Variants in SLC47A1 observed in about 807,000 individuals in gnomAD.
SLC47A1 encodes the protein multidrug and toxin extrusion protein 1.
SLC47A1 carries 58 observed loss-of-function variants against 65.8 expected under a neutral mutation model. That is an observed-to-expected ratio of 0.88 (90% CI 0.71 to 1.10). SLC47A1 has a LOEUF of 1.10. Ranked by LOEUF, SLC47A1 falls within the 50% of genes least tolerant of loss-of-function variation. The pLI is 0.00. For missense variants in SLC47A1, 706 were observed against 719.2 expected, an observed-to-expected ratio of 0.98 and a Z score of 0.21; for synonymous variants, 285 against 295.0, an observed-to-expected ratio of 0.97 and a Z score of 0.35.
chr17:19,564,397 A>G (rs2084340143), intron 12 of SLC47A1: 1 of 152,186 alleles, frequency 6.6e-6, no homozygotes, highest in Non-Finnish European at 1.5e-5. Flanking sequence ...AAGGTGCAGA[A>G]CATCATATAG....
At chr17:19,565,466 A>G (rs1026020095) in intron 12 of SLC47A1, among the ~76,000 whole-genome samples, 1 of 152,044 alleles carries the variant, frequency 6.6e-6, no homozygotes, top group African/African-American at 2.4e-5. Flanking sequence ...GGATGTCACC[A>G]AATCCCTTGA....
At chr17:19,545,488 G>C (rs1019345893) in intron 2 of SLC47A1, among the ~76,000 whole-genome samples, 1 of 150,994 alleles carries the variant, frequency 6.6e-6, no homozygotes, top group Non-Finnish European at 1.5e-5. Flanking sequence ...CACTATGCTC[G>C]GCCAGAAATT....
intron 1 of SLC47A1, 67 bp from the exon 2 acceptor site, chr17:19,542,326 C>A: frequency 1.6e-6 from 2 of 1,277,818 alleles, no homozygotes; most frequent in Non-Finnish European, 2.1e-6. Flanking sequence ...CGGGGTCACA[C>A]TTGGGGCCCC....
chr17:19,539,195 G>T (rs1029079806), intron 1 of SLC47A1, among the ~76,000 whole-genome samples: 2 of 151,986 alleles, frequency 1.3e-5, no homozygotes, highest in East Asian at 3.9e-4. Flanking sequence ...GCAGGGATAA[G>T]CCACCGTGCC....
At chr17:19,546,970 C>G (rs1916307646) in intron 3 of SLC47A1, 1 of 157,938 alleles carries the variant, frequency 6.3e-6, no homozygotes, top group South Asian at 1.9e-4. Context: ...TAAGTATTTC[C>G]TCTGGTTAAT....
chr17:19,537,471 A>G (rs1387226745), intron 1 of SLC47A1, among the ~76,000 whole-genome samples: 1 of 152,256 alleles, frequency 6.6e-6, no homozygotes, highest in Non-Finnish European at 1.5e-5. Context: ...GGGAAGACCT[A>G]CAGGGAAGGT....
intron 7 of SLC47A1, 25 bp downstream of exon 7, chr17:19,555,334 A>G: frequency 6.2e-7 from 1 of 1,610,570 alleles, no homozygotes; most frequent in Non-Finnish European, 8.5e-7. Context: ...CTCTTGGGAC[A>G]GGGAGAAGGG....
At position 19,533,987 on chromosome 17, in the gene SLC47A1, C is replaced by A; in HGVS notation, c.48C>A (p.Ala16=). Residue 16 remains alanine, a synonymous_variant, in exon 1 of 17, where the codon GCC becomes GCA. Coordinates refer to ENST00000270570, the MANE Select transcript of SLC47A1 (RefSeq NM_018242.3). The stretch of plus-strand genomic sequence containing the variant: ...CGCCAGTGCGCGGAGGCCCGGAGGC[C>A]ACCCTTGAGGTCCGTGGGTCGCGCT... The part of the protein sequence containing the change: ...EPAPVRGGPE[A]TLEVRGSRCL... 1 of 1,541,378 alleles carries A rather than the reference C, an allele frequency of 6.5e-7. No individual in the cohort carries two copies.
chr17:19,560,339 C>T, intron 11 of SLC47A1, 43 bp downstream of exon 11: 1 of 1,605,788 alleles, frequency 6.2e-7, no homozygotes, highest in Non-Finnish European at 8.5e-7. Flanking sequence ...GCAGTCTCTG[C>T]ATGCAAAACC....
In SLC47A1 at chr17:19,555,626, C is replaced by G. The variant is rs894106317; in HGVS notation, c.675C>G (p.Tyr225Ter). ...GSALANLISQ[Y>*]TLALLLFLYI... Reference sequence around the variant, plus strand: ...CACTGGCAAACTTGATTTCCCAGTACACCCTGGCTCTACTCCTCTTTCTCT... The same window carrying G: ...CACTGGCAAACTTGATTTCCCAGTAGACCCTGGCTCTACTCCTCTTTCTCT... Residue 225 changes from tyrosine to a stop codon, truncating the protein, a stop_gained, in exon 8 of 17, where the codon TAC becomes TAG. Coordinates refer to ENST00000270570, the MANE Select transcript of SLC47A1 (RefSeq NM_018242.3). LOFTEE classifies it high-confidence loss of function. 1 of 1,614,214 alleles carries G rather than the reference C, an allele frequency of 6.2e-7. No homozygotes were observed.
intron 2 of SLC47A1, among the ~76,000 whole-genome samples, chr17:19,543,580 T>C (rs1176679197): frequency 6.6e-6 from 1 of 152,112 alleles, no homozygotes; most frequent in Non-Finnish European, 1.5e-5. Context: ...TAGAAATGGG[T>C]CTGGAAGGTA....
At chr17:19,539,338 A>G (rs1326740105) in intron 1 of SLC47A1, among the ~76,000 whole-genome samples, 1 of 152,126 alleles carries the variant, frequency 6.6e-6, no homozygotes. Context: ...TCATTCCCCG[A>G]GCACAGAAAT....
intron 14 of SLC47A1, among the ~76,000 whole-genome samples, chr17:19,569,519 C>A (rs762452223): frequency 6.6e-6 from 1 of 152,062 alleles, no homozygotes; most frequent in Non-Finnish European, 1.5e-5. Flanking sequence ...AATTGTGGTA[C>A]GAATTGGTTT....
At position 19,546,392 on chromosome 17, in the gene SLC47A1, C is replaced by T. The variant is rs555190599; in HGVS notation, c.238-43C>T. 9 of 1,595,340 alleles carry T rather than the reference C, an allele frequency of 5.6e-6. No homozygotes were observed. In the African/African-American group the frequency reaches 9.4e-5, roughly 17 times the overall value. On this transcript the variant is annotated intron_variant, in intron 2 of 16. Transcript: ENST00000270570. ...CACACAGGGATTTTGTCTTCCTTTC[C>T]TCCTTTAACTCTATAGGGCCTTATC...
In SLC47A1 at chr17:19,573,898, G is replaced by T. The variant is rs181301451; in HGVS notation, c.1486+1037G>T. Among the ~76,000 whole-genome samples the T allele has an allele frequency of 2.9e-3, 438 of 148,610 alleles. 1 individual carries two copies. The highest frequency in any genetic ancestry group is 5.0e-3 in the Non-Finnish European group (339 of 67,242). ...GTGTGCTGCAGCCAGTGTGAGGCTT[G>T]GTTTACTTCTTCTGGTTCATGCTTT... On this transcript the variant is annotated intron_variant, in intron 16 of 16. Coordinates refer to ENST00000270570, the MANE Select transcript of SLC47A1 (RefSeq NM_018242.3).
chr17:19,565,577 CTTTTTTT>C (rs11362429), intron 12 of SLC47A1, among the ~76,000 whole-genome samples: 1 of 95,548 alleles, frequency 1.0e-5, no homozygotes, highest in Non-Finnish European at 2.0e-5. Context: ...GTCTGAAAAT[CTTTTTTT>C]TTTTTTTTTT....
intron 10 of SLC47A1, 26 bp from the exon 11 acceptor site, chr17:19,560,159 CATT>C (rs1249881133): frequency 6.6e-7 from 1 of 1,520,114 alleles, no homozygotes; most frequent in Non-Finnish European, 9.0e-7. Flanking sequence ...GTTTCTCACT[CATT>C]GTTGCAGGTT....
In SLC47A1 at chr17:19,554,363, C is replaced by T. The variant is rs190495138; in HGVS notation, c.544-849C>T. ...CCAGGAGCTCCCACGAAGCTCTGTG[C>T]CTGGGTTGGAAATTGAGGCTACTTT... On this transcript the variant is annotated intron_variant, in intron 6 of 16. Transcript: ENST00000270570. 4.1e-4 allele frequency among the ~76,000 whole-genome samples: 62 copies of T among 152,228 alleles called. 1 individual carries two copies. The highest frequency in any genetic ancestry group is 6.6e-4 in the Non-Finnish European group (45 of 68,008).
intron 6 of SLC47A1, 108 bp from the exon 7 acceptor site, chr17:19,555,104 C>A: frequency 1.0e-6 from 1 of 967,942 alleles, no homozygotes; most frequent in Non-Finnish European, 1.7e-6. Flanking sequence ...CCAGCTATGC[C>A]TGTGATACCC....
Sources: allele counts gnomAD v4.1 joint callset (sites outside exome capture counted in the v4.1 genomes callset), GRCh38; gene constraint gnomAD v4.1.1; transcripts MANE v1.5; gene names NCBI Gene and HGNC (gene_info 2026-07-23, HGNC 2026-07-21).